RASAL2: variants seen among roughly 807,000 people sequenced by gnomAD.
RASAL2 encodes the protein RAS protein activator like 2.
RASAL2 carries 58 observed loss-of-function variants against 128.9 expected under a neutral mutation model. The ratio of observed to expected loss-of-function variants is 0.45; its 90% CI spans 0.36 to 0.56. The LOEUF is 0.56. RASAL2 is among the 20% of genes least tolerant of loss of function. The pLI, the probability that RASAL2 is intolerant of heterozygous loss-of-function variation, is 0.00. For synonymous variants in RASAL2, 561 were observed against 580.8 expected (o/e 0.97, Z 0.49); for missense variants, 1,360 against 1,601.6 (o/e 0.85, Z 2.57).
At chr1:178,108,895 C>T (rs1214545498) in intron 1 of RASAL2, among the ~76,000 whole-genome samples, 1 of 152,136 alleles carries the variant, frequency 6.6e-6, no homozygotes. Context: ...GTGGGTGAGC[C>T]ATTTGAATAG....
At position 178,175,437 on chromosome 1, in the gene RASAL2, CGTGTGT is replaced by C. The variant is rs1158552851; in HGVS notation, c.202+80773_202+80778del. On this transcript the variant is annotated intron_variant, in intron 1 of 17. Transcript: ENST00000367649. ...AATATTCTGTGTATATACATGGTTA[CGTGTGT>C]GTGTGTGTGTGTGTGTGTGTGTGTG... 5.8e-3 allele frequency among the ~76,000 whole-genome samples: 840 copies of C among 144,430 alleles called. 11 individuals carry two copies. The highest frequency in any genetic ancestry group is 0.02 in the African/African-American group (771 of 38,810). The allele number at this position is 144,430 out of a possible 152,430, so 94.8% of individuals were successfully genotyped here.
intron 17 of RASAL2, among the ~76,000 whole-genome samples, chr1:178,469,793 A>G (rs1229544604): frequency 6.6e-6 from 1 of 152,226 alleles, no homozygotes. Flanking sequence ...GAATCAAATC[A>G]TACTGGGATT....
intron 1 of RASAL2, among the ~76,000 whole-genome samples, chr1:178,141,588 G>A (rs2101859783): frequency 1.3e-5 from 2 of 151,616 alleles, no homozygotes; most frequent in Admixed American, 1.3e-4. Context: ...TGTTGGGGAG[G>A]TTGGCCGTCG....
At chr1:178,256,808 G>A (rs1300505004) in intron 1 of RASAL2, among the ~76,000 whole-genome samples, 1 of 152,006 alleles carries the variant, frequency 6.6e-6, no homozygotes, top group African/African-American at 2.4e-5. Flanking sequence ...CGAGTAGCTG[G>A]GACTACAAGC....
At chr1:178,252,658 A>G (rs1400532030) in intron 1 of RASAL2, among the ~76,000 whole-genome samples, 1 of 152,178 alleles carries the variant, frequency 6.6e-6, no homozygotes, top group African/African-American at 2.4e-5. Context: ...TATAAAGCTC[A>G]AGGAGGAATC....
intron 3 of RASAL2, among the ~76,000 whole-genome samples, chr1:178,371,478 A>T (rs948358566): frequency 6.6e-6 from 1 of 152,074 alleles, no homozygotes; most frequent in Admixed American, 6.6e-5. Flanking sequence ...GTGGACTTGT[A>T]ATATCCTTAA....
chr1:178,223,958 T>A (rs921738660), intron 1 of RASAL2, among the ~76,000 whole-genome samples: 1 of 152,164 alleles, frequency 6.6e-6, no homozygotes, highest in Non-Finnish European at 1.5e-5. Flanking sequence ...AAGATCATAG[T>A]GTAGGTTTTA....
At chr1:178,410,174 G>C (rs954801459) in intron 4 of RASAL2, among the ~76,000 whole-genome samples, 1 of 152,096 alleles carries the variant, frequency 6.6e-6, no homozygotes, top group Non-Finnish European at 1.5e-5. Context: ...TTGAAGAGTA[G>C]ATTAATGTGG....
chr1:178,416,546 C>G (rs1674769632), intron 4 of RASAL2, among the ~76,000 whole-genome samples: 1 of 151,768 alleles, frequency 6.6e-6, no homozygotes, highest in African/African-American at 2.4e-5. Context: ...TCACTTATTC[C>G]TTTTATACTC....
intron 3 of RASAL2, among the ~76,000 whole-genome samples, chr1:178,336,471 C>T (rs1266775028): frequency 6.6e-6 from 1 of 151,908 alleles, no homozygotes; most frequent in Non-Finnish European, 1.5e-5. Flanking sequence ...GCCTAATGAT[C>T]GTTATTTCTA....
chr1:178,096,066 G>C (rs1240914166), intron 1 of RASAL2, among the ~76,000 whole-genome samples: 3 of 152,168 alleles, frequency 2.0e-5, no homozygotes, highest in Non-Finnish European at 4.4e-5. Context: ...CACCCAGTTT[G>C]TTCTCAGCAA....
intron 8 of RASAL2, among the ~76,000 whole-genome samples, chr1:178,444,490 A>T (rs1046376352): frequency 6.6e-6 from 1 of 152,224 alleles, no homozygotes; most frequent in African/African-American, 2.4e-5. Context: ...GTAAATCAGC[A>T]TATTCCTCCT....
chr1:178,283,186 T>A (rs1666862794), intron 1 of RASAL2, among the ~76,000 whole-genome samples: 1 of 152,192 alleles, frequency 6.6e-6, no homozygotes, highest in Admixed American at 6.5e-5. Flanking sequence ...AAAGTGTACA[T>A]GTAACATCAT....
intron 1 of RASAL2, among the ~76,000 whole-genome samples, chr1:178,103,429 T>G (rs1181081703): frequency 6.6e-6 from 1 of 152,154 alleles, no homozygotes; most frequent in Non-Finnish European, 1.5e-5. Context: ...TACGTGTATT[T>G]GTAATTTTGA....
chr1:178,204,305 C>G (rs573733505), intron 1 of RASAL2, among the ~76,000 whole-genome samples: 80 of 152,198 alleles, frequency 5.3e-4, no homozygotes, highest in African/African-American at 1.9e-3. Context: ...ATTATGATCT[C>G]AGGAGATGCA....
At chr1:178,274,317 T>C (rs112558084) in intron 1 of RASAL2, among the ~76,000 whole-genome samples, 1 of 152,272 alleles carries the variant, frequency 6.6e-6, no homozygotes, top group African/African-American at 2.4e-5. Context: ...TGAAAAGCTC[T>C]AATTCTTTTC....
At chr1:178,298,880 A>C (rs909561804) in intron 2 of RASAL2, among the ~76,000 whole-genome samples, 95 of 152,106 alleles carry the variant, frequency 6.2e-4, no homozygotes, top group African/African-American at 2.0e-3. Flanking sequence ...GCTACTAGTA[A>C]AATCTCATTA....
At chr1:178,201,366 A>G (rs566102933) in intron 1 of RASAL2, among the ~76,000 whole-genome samples, 1 of 152,322 alleles carries the variant, frequency 6.6e-6, no homozygotes, top group East Asian at 1.9e-4. Context: ...ATGTAGAGGA[A>G]GGGATCCAAG....
intron 1 of RASAL2, among the ~76,000 whole-genome samples, chr1:178,207,669 A>G (rs1663102270): frequency 6.6e-6 from 1 of 152,202 alleles, no homozygotes; most frequent in South Asian, 2.1e-4. Context: ...TATCAGACTG[A>G]AAAATGCATA....
Sources: allele counts gnomAD v4.1 joint callset (sites outside exome capture counted in the v4.1 genomes callset), GRCh38; gene constraint gnomAD v4.1.1; transcripts MANE v1.5; gene names NCBI Gene and HGNC (gene_info 2026-07-23, HGNC 2026-07-21).